The following ROCK1 variants were observed in gnomAD, a reference collection of about 807,000 sequenced individuals.
The protein encoded by ROCK1 is Rho associated coiled-coil containing protein kinase 1, also known as rho-associated protein kinase 1.
In ROCK1, 36 loss-of-function variants were observed where a neutral mutation model predicts 196.8. The observed-to-expected ratio is 0.18, with a 90% CI of 0.14 to 0.24. The LOEUF is 0.24. Among genes scored for constraint, ROCK1 ranks in the 10% least tolerant of loss-of-function variants. The probability of loss-of-function intolerance (pLI) is 1.00; values close to 1 mark genes in which losing one functional copy is unlikely to be tolerated. For missense variants in ROCK1, 920 were observed against 1,562.0 expected, an observed-to-expected ratio of 0.59 and a Z score of 6.93; for synonymous variants, 443 against 515.9, an observed-to-expected ratio of 0.86 and a Z score of 1.91.
At chr18:20,982,410 A>G (rs1382470794) in intron 21 of ROCK1, among the ~76,000 whole-genome samples, 4 of 152,060 alleles carry the variant, frequency 2.6e-5, no homozygotes, top group Non-Finnish European at 4.4e-5. Context: ...TGCCACCACA[A>G]TCGGCTAATT....
intron 1 of ROCK1, among the ~76,000 whole-genome samples, chr18:21,086,730 T>C (rs2143578289): frequency 6.8e-6 from 1 of 148,126 alleles, no homozygotes; most frequent in African/African-American, 2.5e-5. Context: ...GCCAATTTTT[T>C]AAAATGTCAA....
intron 16 of ROCK1, among the ~76,000 whole-genome samples, chr18:21,004,128 G>A (rs1169638729): frequency 6.6e-6 from 1 of 152,108 alleles, no homozygotes; most frequent in Admixed American, 6.6e-5. Flanking sequence ...TGTTGCACTA[G>A]TCCAGGTACT....
chr18:21,021,334 A>G (rs2035911270), intron 11 of ROCK1, among the ~76,000 whole-genome samples: 1 of 152,212 alleles, frequency 6.6e-6, no homozygotes, highest in Non-Finnish European at 1.5e-5. Context: ...GATTACCTAC[A>G]GAGAAAGAGC....
chr18:21,039,329 A>G, intron 9 of ROCK1, 143 bp downstream of exon 9: 4 of 613,138 alleles, frequency 6.5e-6, no homozygotes, highest in Non-Finnish European at 8.5e-6. Context: ...TATCAAATTA[A>G]TAGGTTAGGA....
At position 21,070,522 on chromosome 18, in the gene ROCK1, A is replaced by C; in HGVS notation, c.175+10T>G. On this transcript the variant is annotated intron_variant, in intron 2 of 32. Transcript: ENST00000399799. ...AAGTCTGTCATTAACCTCCACAAAAAATTACTTACATCTGCTTAAAAAGTT... is the reference window on the plus strand; with the variant it reads ...AAGTCTGTCATTAACCTCCACAAAACATTACTTACATCTGCTTAAAAAGTT... The C allele has an allele frequency of 6.6e-7, 1 of 1,509,124 alleles. No individual in the cohort carries two copies. The highest frequency in any genetic ancestry group is 9.2e-7 in the Non-Finnish European group (1 of 1,092,430). The allele number at this position is 1,509,124 out of a possible 1,614,324, so 93.5% of individuals were successfully genotyped here.
At chr18:21,049,952 G>A (rs905407812) in intron 2 of ROCK1, 72 bp from the exon 3 acceptor site, 7 of 679,558 alleles carry the variant, frequency 1.0e-5, no homozygotes, top group African/African-American at 1.9e-5. Context: ...TTTTACATTC[G>A]AGTTCTTAAG....
At chr18:21,029,465 C>T (rs769897570) in intron 9 of ROCK1, among the ~76,000 whole-genome samples, 4 of 152,100 alleles carry the variant, frequency 2.6e-5, no homozygotes, top group East Asian at 1.9e-4. Flanking sequence ...CTTTCTCCCA[C>T]CCCAATATCT....
At chr18:21,101,133 A>AACAT (rs1405933294) in intron 1 of ROCK1, among the ~76,000 whole-genome samples, 5 of 152,214 alleles carry the variant, frequency 3.3e-5, no homozygotes, top group Non-Finnish European at 7.4e-5. Context: ...TTTCATGGTA[A>AACAT]ACATACAGCC....
intron 16 of ROCK1, among the ~76,000 whole-genome samples, chr18:21,002,805 G>T (rs763450023): frequency 1.3e-5 from 2 of 152,142 alleles, no homozygotes; most frequent in South Asian, 2.1e-4. Flanking sequence ...ACAGTGGCAC[G>T]ATTTCAGCTC....
At chr18:20,970,247 G>GAAGT in intron 23 of ROCK1, 101 bp downstream of exon 23, 1 of 794,920 alleles carries the variant, frequency 1.3e-6, no homozygotes, top group Non-Finnish European at 2.0e-6. Context: ...TATTAACATA[G>GAAGT]AAGTAAATAC....
chr18:21,099,598 A>G, intron 1 of ROCK1, among the ~76,000 whole-genome samples: 1 of 152,206 alleles, frequency 6.6e-6, no homozygotes, highest in South Asian at 2.1e-4. Flanking sequence ...TTTTAAAATC[A>G]GCCAGGCATG....
intron 23 of ROCK1, 172 bp from the exon 24 acceptor site, chr18:20,969,380 G>A (rs1015101763): frequency 4.1e-6 from 2 of 492,634 alleles, no homozygotes; most frequent in Admixed American, 3.8e-5. Context: ...TTTAAAAGTA[G>A]TTAACAGCAT....
chr18:20,976,368 G>C (rs2035480865), intron 22 of ROCK1, among the ~76,000 whole-genome samples: 1 of 152,042 alleles, frequency 6.6e-6, no homozygotes, highest in Non-Finnish European at 1.5e-5. Flanking sequence ...TTGTCTGGAG[G>C]GATCCAGACA....
chr18:20,960,107 C>A, intron 28 of ROCK1, 29 bp downstream of exon 28: 1 of 1,407,648 alleles, frequency 7.1e-7, no homozygotes, highest in South Asian at 1.2e-5. Flanking sequence ...AACAAAATAC[C>A]AGTTAGAAAA....
intron 12 of ROCK1, among the ~76,000 whole-genome samples, chr18:21,018,570 A>G (rs1427866525): frequency 6.6e-6 from 1 of 152,048 alleles, no homozygotes; most frequent in Non-Finnish European, 1.5e-5. Context: ...AGACTTCCCA[A>G]CATTTATATA....
intron 22 of ROCK1, 114 bp from the exon 23 acceptor site, chr18:20,970,627 G>T: frequency 1.4e-6 from 1 of 698,790 alleles, no homozygotes; most frequent in South Asian, 2.6e-5. Flanking sequence ...TTATTTTATT[G>T]CTTAAAATAA....
intron 9 of ROCK1, among the ~76,000 whole-genome samples, chr18:21,031,618 A>T (rs999905489): frequency 4.7e-5 from 7 of 150,494 alleles, no homozygotes; most frequent in African/African-American, 1.7e-4. Context: ...AAAAAAAAAA[A>T]AAAAAAAGAA....
At chr18:21,063,468 AAAC>A in intron 2 of ROCK1, among the ~76,000 whole-genome samples, 1 of 146,238 alleles carries the variant, frequency 6.8e-6, no homozygotes, top group Non-Finnish European at 1.5e-5. Context: ...AGAAAGAGAA[AAAC>A]AACATCTGAA....
At chr18:20,990,949 G>A (rs181136139) in intron 18 of ROCK1, among the ~76,000 whole-genome samples, 4 of 151,738 alleles carry the variant, frequency 2.6e-5, no homozygotes, top group Non-Finnish European at 4.4e-5. Context: ...TAGTAGAGAC[G>A]GGGTTTCACC....
Sources: allele counts gnomAD v4.1 joint callset (sites outside exome capture counted in the v4.1 genomes callset), GRCh38; gene constraint gnomAD v4.1.1; transcripts MANE v1.5; gene names NCBI Gene and HGNC (gene_info 2026-07-23, HGNC 2026-07-21).